PSMA1: variants seen among roughly 807,000 people sequenced by gnomAD.
The protein encoded by PSMA1 is proteasome 20S subunit alpha 1.
Under a neutral mutation model 38.4 loss-of-function variants are expected in PSMA1, and 3 were observed. The observed-to-expected ratio is 0.08, with a 90% CI of 0.04 to 0.20. The LOEUF is 0.20. PSMA1 is among the 10% of genes least tolerant of loss of function. The pLI is 1.00. For missense variants in PSMA1, 227 were observed against 325.3 expected (o/e 0.70, Z 2.32); for synonymous variants, 101 against 107.1 (o/e 0.94, Z 0.35).
chr11:14,636,384 G>C (rs1853113476), intron 1 of PSMA1, among the ~76,000 whole-genome samples: 1 of 152,098 alleles, frequency 6.6e-6, no homozygotes, highest in South Asian at 2.1e-4. Flanking sequence ...CACCACTCCT[G>C]TCTGATTCTC....
chr11:14,512,743 T>A (rs1851365245), intron 7 of PSMA1, among the ~76,000 whole-genome samples: 1 of 152,238 alleles, frequency 6.6e-6, no homozygotes, highest in South Asian at 2.1e-4. Flanking sequence ...ATTTTATTGT[T>A]AAAAGTCTTA....
intron 2 of PSMA1, among the ~76,000 whole-genome samples, chr11:14,548,746 A>G (rs1007384558): frequency 1.3e-5 from 2 of 152,228 alleles, no homozygotes; most frequent in Non-Finnish European, 2.9e-5. Context: ...AACCAAGAAC[A>G]TAAATAAATT....
At chr11:14,614,990 C>G (rs1315161453) in intron 1 of PSMA1, among the ~76,000 whole-genome samples, 1 of 152,164 alleles carries the variant, frequency 6.6e-6, no homozygotes, top group African/African-American at 2.4e-5. Context: ...CACTTAAGAG[C>G]CTTTATAATC....
chr11:14,580,007 TG>T (rs1279403485), intron 2 of PSMA1, among the ~76,000 whole-genome samples: 4 of 152,130 alleles, frequency 2.6e-5, no homozygotes, highest in Non-Finnish European at 5.9e-5. Context: ...GGCCACAAAT[TG>T]GGTTGATCTG....
chr11:14,520,197 T>C lies in PSMA1; in HGVS notation c.3+100A>G, dbSNP rs543344857. ...CGTCTGCCGAGGCTCTCATACCTCG[T>C]GGCACCGGGCGACGCTAAGGATGAC... On this transcript the variant is annotated intron_variant, in intron 1 of 9. Transcript: ENST00000396394. 3.8e-6 allele frequency: 6 copies of C among 1,566,232 alleles called. No individual in the cohort carries two copies. In the Admixed American group the frequency reaches 6.7e-5, roughly 18 times the overall value.
intron 2 of PSMA1, among the ~76,000 whole-genome samples, chr11:14,580,622 G>A (rs891879100): frequency 6.6e-6 from 1 of 152,142 alleles, no homozygotes; most frequent in Non-Finnish European, 1.5e-5. Flanking sequence ...CCTAGTAAGT[G>A]CTTAATAAAC....
intron 2 of PSMA1, among the ~76,000 whole-genome samples, chr11:14,609,671 C>T (rs1272793227): frequency 6.6e-6 from 1 of 152,074 alleles, no homozygotes; most frequent in Non-Finnish European, 1.5e-5. Flanking sequence ...AAACAGGAGG[C>T]AGGAGTATTC....
chr11:14,591,173 C>T (rs763956005), intron 2 of PSMA1, among the ~76,000 whole-genome samples: 10 of 152,232 alleles, frequency 6.6e-5, no homozygotes, highest in Non-Finnish European at 1.3e-4. Context: ...CCGGCCCTGC[C>T]GGCCCTGGGC....
chr11:14,517,467 C>T (rs1334382216), intron 4 of PSMA1, among the ~76,000 whole-genome samples, 175 bp downstream of exon 4: 1 of 152,148 alleles, frequency 6.6e-6, no homozygotes, highest in Non-Finnish European at 1.5e-5. Flanking sequence ...GTTACTCCTA[C>T]AGGGATCAAA....
intron 2 of PSMA1, among the ~76,000 whole-genome samples, chr11:14,578,078 G>T (rs1388787821): frequency 6.7e-6 from 1 of 148,976 alleles, no homozygotes; most frequent in Non-Finnish European, 1.5e-5. Context: ...CTGTTGGGGG[G>T]TTGGGGGCTA....
chr11:14,628,028 C>T (rs555084474), intron 1 of PSMA1, among the ~76,000 whole-genome samples: 7 of 152,250 alleles, frequency 4.6e-5, no homozygotes, highest in Non-Finnish European at 7.3e-5. Flanking sequence ...TGAGCCTTAC[C>T]GCTTGAGCTC....
chr11:14,554,863 A>G (rs2134170461), intron 2 of PSMA1, among the ~76,000 whole-genome samples: 1 of 152,354 alleles, frequency 6.6e-6, no homozygotes, highest in Non-Finnish European at 1.5e-5. Context: ...CGATGAGAAG[A>G]CTGAGTACAA....
chr11:14,619,438 CA>C (rs557216383), intron 1 of PSMA1, among the ~76,000 whole-genome samples: 143 of 145,482 alleles, frequency 9.8e-4, no homozygotes, highest in Non-Finnish European at 1.8e-3. Flanking sequence ...GATCCTGTCT[CA>C]AAAAAAAAAT....
chr11:14,615,930 G>C (rs1398441705), intron 1 of PSMA1, among the ~76,000 whole-genome samples: 1 of 152,166 alleles, frequency 6.6e-6, no homozygotes, highest in Non-Finnish European at 1.5e-5. Context: ...GCAGAGGCCA[G>C]AGCAAGAGGG....
intron 2 of PSMA1, among the ~76,000 whole-genome samples, chr11:14,577,295 G>A (rs1852230158): frequency 6.6e-6 from 1 of 152,196 alleles, no homozygotes; most frequent in East Asian, 1.9e-4. Context: ...GTACAGATGA[G>A]AAAACAATTA....
At chr11:14,610,849 A>G (rs1852700362) in intron 2 of PSMA1, 4 of 1,022,268 alleles carry the variant, frequency 3.9e-6, no homozygotes, top group Non-Finnish European at 5.8e-6. Flanking sequence ...TTTGTTTTCT[A>G]GCCTAGAGAT....
intron 1 of PSMA1, among the ~76,000 whole-genome samples, chr11:14,625,531 T>C (rs1310527252): frequency 6.6e-6 from 1 of 152,130 alleles, no homozygotes; most frequent in Non-Finnish European, 1.5e-5. Context: ...GATCCACCCC[T>C]GTTTCAGTAC....
chr11:14,627,813 T>C (rs1393226792), intron 1 of PSMA1, among the ~76,000 whole-genome samples: 1 of 152,218 alleles, frequency 6.6e-6, no homozygotes, highest in Non-Finnish European at 1.5e-5. Flanking sequence ...CCTTTTTTCT[T>C]CCTTGCAATG....
intron 2 of PSMA1, among the ~76,000 whole-genome samples, chr11:14,595,124 A>T (rs527481649): frequency 4.1e-4 from 63 of 152,298 alleles, no homozygotes; most frequent in South Asian, 6.2e-4. Flanking sequence ...CATGGTGTAT[A>T]TGTGCCACAT....
Sources: gnomAD v4.1 joint callset for allele counts (sites outside exome capture counted in the v4.1 genomes callset) on GRCh38, gnomAD v4.1.1 for gene constraint, MANE v1.5 for transcripts, NCBI Gene and HGNC (gene_info 2026-07-23, HGNC 2026-07-21) for gene names.